AP3D1: variants seen among roughly 807,000 people sequenced by gnomAD.
AP3D1 encodes adaptor related protein complex 3 subunit delta 1, also known as AP-3 complex subunit delta-1.
In AP3D1, 51 loss-of-function variants were observed where a neutral mutation model predicts 147.6. The observed-to-expected ratio is 0.35, with a 90% CI of 0.28 to 0.44. The LOEUF is 0.44. AP3D1 is among the 20% of genes least tolerant of loss of function. The pLI is 1.00. For synonymous variants in AP3D1, 760 were observed against 663.0 expected (o/e 1.15, Z -2.25); for missense variants, 1,421 against 1,624.2 (o/e 0.87, Z 2.15).
At chr19:2,143,299 A>G (rs1443286514) in intron 1 of AP3D1, among the ~76,000 whole-genome samples, 4 of 129,986 alleles carry the variant, frequency 3.1e-5, no homozygotes, top group South Asian at 5.1e-4. Flanking sequence ...GGAGTGCAGC[A>G]GCGCGATCTC....
chr19:2,132,523 C>G lies in AP3D1; in HGVS notation c.410G>C (p.Cys137Ser). The change falls in exon 5 of 32, where the codon TGC becomes TCC. Residue 137 changes from cysteine to serine, a missense_variant. Physicochemically the swap from Cys to Ser is moderately radical, Grantham distance 112. This residue lies in a region of AP3D1 where 292 missense variants were observed against 412.0 expected (regional missense o/e 0.71). Coordinates refer to ENST00000643116, the MANE Select transcript of AP3D1 (RefSeq NM_001261826.3). ...DTGVALTGLS[C>S]FVTPDLARDL... ...TCTGGCAAGGTCTGGGGTGACGAAG[C>G]AGGACAGACCCGTCAGTGCAACACC... 2 of 1,611,656 alleles carry G rather than the reference C, an allele frequency of 1.2e-6. No individual in the cohort carries two copies. The highest frequency in any genetic ancestry group is 1.7e-6 in the Non-Finnish European group (2 of 1,178,030).
intron 24 of AP3D1, 124 bp from the exon 25 acceptor site, chr19:2,111,952 C>A: frequency 6.8e-7 from 1 of 1,468,676 alleles, no homozygotes; most frequent in South Asian, 1.2e-5. Context: ...GGTGGGATGG[C>A]AGGACCAGCC....
chr19:2,161,709 A>G (rs2019700110), intron 1 of AP3D1, among the ~76,000 whole-genome samples: 1 of 152,052 alleles, frequency 6.6e-6, no homozygotes, highest in Non-Finnish European at 1.5e-5. Flanking sequence ...AGCACTTAGG[A>G]AGGCTGAGGT....
intron 1 of AP3D1, among the ~76,000 whole-genome samples, chr19:2,148,227 T>C (rs575568314): frequency 6.6e-6 from 1 of 152,152 alleles, no homozygotes; most frequent in South Asian, 2.1e-4. Context: ...AACAAAATAT[T>C]AAAAGTCGTT....
rs768660885 is a variant in AP3D1, at chr19:2,110,816, G to A, written c.3066C>T (p.Ile1022=). The A allele has an allele frequency of 7.4e-6, 12 of 1,613,566 alleles. No homozygotes were observed. In the Admixed American group the frequency reaches 1.0e-4, roughly 13 times the overall value. The change falls in exon 27 of 32, where the codon ATC becomes ATT. Residue 1022 remains isoleucine (I), a synonymous_variant. Coordinates refer to ENST00000643116, the MANE Select transcript of AP3D1 (RefSeq NM_001261826.3). ...GCACGCTGAGCTCCATGCCCTTGAG[G>A]ATGCTGCTGCTCCTGTTCTCCAGCA... ...AIVLENRSSS[I]LKGMELSVLD...
At chr19:2,117,770 C>A (rs2018500048) in intron 15 of AP3D1, among the ~76,000 whole-genome samples, 1 of 152,264 alleles carries the variant, frequency 6.6e-6, no homozygotes, top group African/African-American at 2.4e-5. Context: ...CAGCCCCGAG[C>A]TAATGCCACC....
chr19:2,112,133 C>G (rs1193770007), intron 24 of AP3D1: 2 of 450,424 alleles, frequency 4.4e-6, no homozygotes, highest in East Asian at 8.3e-5. Flanking sequence ...CAACCCCACG[C>G]CCATGTGCAC....
chr19:2,112,590 T>C (rs2018315018), intron 24 of AP3D1: 1 of 370,602 alleles, frequency 2.7e-6, no homozygotes, highest in East Asian at 4.5e-5. Flanking sequence ...GAGGTGATGA[T>C]GGTTGCACAA....
intron 3 of AP3D1, 110 bp downstream of exon 3, chr19:2,137,617 C>T: frequency 1.1e-6 from 1 of 943,716 alleles, no homozygotes; most frequent in Non-Finnish European, 1.6e-6. Context: ...CCTTGGGTAA[C>T]AGAGCTAGAC....
At chr19:2,144,740 T>C (rs1568307454) in intron 1 of AP3D1, among the ~76,000 whole-genome samples, 1 of 152,084 alleles carries the variant, frequency 6.6e-6, no homozygotes, top group Non-Finnish European at 1.5e-5. Context: ...CCGTCTCCAC[T>C]AAAAATACAA....
chr19:2,151,454 TC>T lies in AP3D1; in HGVS notation c.-121del. Reference sequence around the variant, plus strand: ...TGCCGGCCGCTGCGGCGGGGCAAGCTCCCAGGCCAGGGCGGCGGCGGGGTCC... The same window carrying T: ...TGCCGGCCGCTGCGGCGGGGCAAGCTCCAGGCCAGGGCGGCGGCGGGGTCC... On this transcript the variant is annotated 5_prime_UTR_variant, in exon 1 of 32. Coordinates refer to ENST00000643116, the MANE Select transcript of AP3D1 (RefSeq NM_001261826.3). 1 of 542,406 alleles carries T rather than the reference TC, an allele frequency of 1.8e-6. No individual in the cohort carries two copies. The highest frequency in any genetic ancestry group is 2.4e-6 in the Non-Finnish European group (1 of 418,748). 33.6% of individuals were successfully genotyped at this position (542,406 alleles called of 1,614,324 possible).
chr19:2,157,020 T>C lies in AP3D1; in HGVS notation c.-103+7336A>G, dbSNP rs567276308. Reference sequence around the variant, plus strand: ...CAAGGTTTGTTGAAAAAAACAAACATACACCCATCTATCATTCATCCATCC... The same window carrying C: ...CAAGGTTTGTTGAAAAAAACAAACACACACCCATCTATCATTCATCCATCC... On this transcript the variant is annotated intron_variant, in intron 1 of 14. Transcript: ENST00000643010. Among the ~76,000 whole-genome samples the C allele has an allele frequency of 3.5e-5, 5 of 142,660 alleles. No individual in the cohort carries two copies. In the South Asian group the frequency reaches 1.1e-3, roughly 33 times the overall value. The allele number at this position is 142,660 out of a possible 152,430, so 93.6% of individuals were successfully genotyped here.
intron 1 of AP3D1, among the ~76,000 whole-genome samples, chr19:2,161,166 T>G (rs1599509156): frequency 6.7e-6 from 1 of 148,734 alleles, no homozygotes; most frequent in African/African-American, 2.5e-5. Context: ...TTTTTTTTTT[T>G]TTTTTTTTTT....
rs200688498 is a variant in AP3D1 at position 2,130,544 on chromosome 19, G to A, written c.463-7C>T. The A allele has an allele frequency of 1.1e-5, 17 of 1,613,520 alleles. No homozygotes were observed. The highest frequency in any genetic ancestry group is 1.4e-5 in the Non-Finnish European group (17 of 1,179,758). On this transcript the variant is annotated splice_polypyrimidine_tract_variant and splice_region_variant and intron_variant, in intron 5 of 31. Coordinates refer to ENST00000643116, the MANE Select transcript of AP3D1 (RefSeq NM_001261826.3). ...AGGGCTTGGTGTGTGACATCTGCGGGGCAGCGGGCTTCAGCCTGCGCGGGC... is the reference window on the plus strand; with the variant it reads ...AGGGCTTGGTGTGTGACATCTGCGGAGCAGCGGGCTTCAGCCTGCGCGGGC...
At chr19:2,116,158 G>A (rs2018441699) in intron 18 of AP3D1, 49 bp downstream of exon 18, 2 of 1,582,972 alleles carry the variant, frequency 1.3e-6, no homozygotes, top group East Asian at 4.5e-5. Context: ...GGGCTCGGGT[G>A]GTGAGGGTAG....
rs1259989998 is a variant in AP3D1, at chr19:2,124,755, AC to A, written c.857-877del. Among the ~76,000 whole-genome samples the A allele has an allele frequency of 2.0e-5, 3 of 152,188 alleles. No individual in the cohort carries two copies. In the East Asian group the frequency reaches 5.8e-4, roughly 29 times the overall value. ...CAGGAGTTCAAGACCAGCCTGACCA[AC>A]ATGGAGAAACTCTGTCTCTACTAAA... On this transcript the variant is annotated intron_variant, in intron 9 of 31. Transcript: ENST00000643116.
chr19:2,103,603 TGCCG>T (rs2018020326), intron 31 of AP3D1, among the ~76,000 whole-genome samples: 1 of 152,138 alleles, frequency 6.6e-6, no homozygotes, highest in Non-Finnish European at 1.5e-5. Flanking sequence ...CAGAGGCCGC[TGCCG>T]GGTCCCAAGG....
upstream of AP3D1, among the ~76,000 whole-genome samples, chr19:2,154,455 T>G (rs1163348271): frequency 6.6e-6 from 1 of 151,426 alleles, no homozygotes; most frequent in African/African-American, 2.4e-5. Context: ...AATTTTTGTA[T>G]TTTAGTAGAG....
chr19:2,156,789 C>T (rs1176219656), intron 1 of AP3D1, among the ~76,000 whole-genome samples: 3 of 152,114 alleles, frequency 2.0e-5, no homozygotes, highest in Non-Finnish European at 4.4e-5. Context: ...TTGGAGGTTG[C>T]AGTGAGCCAA....
Sources: allele counts gnomAD v4.1 joint callset (sites outside exome capture counted in the v4.1 genomes callset), GRCh38; gene constraint gnomAD v4.1.1; regional missense constraint gnomAD v4.1.1; transcripts MANE v1.5; gene names NCBI Gene and HGNC (gene_info 2026-07-23, HGNC 2026-07-21).